SYN3: variants seen among roughly 807,000 people sequenced by gnomAD.
SYN3 encodes synapsin-3.
SYN3 carries 35 observed loss-of-function variants against 65.8 expected under a neutral mutation model. That is an observed-to-expected ratio of 0.53 (90% confidence interval 0.41 to 0.70). The LOEUF (loss-of-function observed/expected upper bound fraction) is 0.70, where lower values mean the gene tolerates loss of function less well. Among genes scored for constraint, SYN3 ranks in the 30% least tolerant of loss-of-function variants. The probability of loss-of-function intolerance (pLI) is 0.00; values close to 1 mark genes in which losing one functional copy is unlikely to be tolerated. For missense variants in SYN3, 680 were observed against 749.0 expected (o/e 0.91, Z 1.08); for synonymous variants, 270 against 292.9 (o/e 0.92, Z 0.80).
rs906934648 is a variant in SYN3, at chr22:33,006,586, T to C, written c.77A>G (p.Gln26Arg). ...NLPNGYMTDLQRPDSSTSSPA... is the reference protein window; with the variant it reads ...NLPNGYMTDLRRPDSSTSSPA... Reference sequence around the variant, plus strand: ...TGAGCTGGTGGAGCTATCTGGGCGTTGCAGGTCCGTCATATAGCCATTAGG... The same window carrying C: ...TGAGCTGGTGGAGCTATCTGGGCGTCGCAGGTCCGTCATATAGCCATTAGG... The change falls in exon 2 of 14, where the codon CAA becomes CGA. Residue 26 changes from glutamine to arginine, a missense_variant. Transcript: ENST00000358763. 6 of 1,613,814 alleles carry C rather than the reference T, an allele frequency of 3.7e-6. No individual in the cohort carries two copies. In the African/African-American group the frequency reaches 6.7e-5, roughly 18 times the overall value.
intron 3 of SYN3, among the ~76,000 whole-genome samples, chr22:32,974,148 C>T (rs1464917251): frequency 6.6e-6 from 1 of 152,182 alleles, no homozygotes; most frequent in African/African-American, 2.4e-5. Flanking sequence ...ATGTCAAGTG[C>T]TTTAATCAAT....
intron 4 of SYN3, among the ~76,000 whole-genome samples, chr22:32,871,416 T>G (rs1204590357): frequency 6.6e-6 from 1 of 152,184 alleles, no homozygotes; most frequent in Admixed American, 6.5e-5. Flanking sequence ...AAGCTCCTCA[T>G]TGTCTTTACG....
intron 6 of SYN3, among the ~76,000 whole-genome samples, chr22:32,844,124 C>T (rs180717818): frequency 1.3e-3 from 198 of 152,240 alleles, no homozygotes; most frequent in Non-Finnish European, 2.2e-3. Flanking sequence ...CATTGTTGCT[C>T]GGCCTTCTAG....
intron 12 of SYN3, among the ~76,000 whole-genome samples, chr22:32,525,497 G>C (rs185899665): frequency 8.1e-4 from 123 of 152,114 alleles, no homozygotes; most frequent in African/African-American, 2.6e-3. Context: ...CACGAGGTCG[G>C]GAGATCGAGA....
chr22:32,995,363 A>G (rs1046224538), intron 2 of SYN3, among the ~76,000 whole-genome samples: 1 of 152,222 alleles, frequency 6.6e-6, no homozygotes, highest in African/African-American at 2.4e-5. Context: ...CCAATGAACA[A>G]TACATCATTT....
chr22:32,604,801 C>T (rs570073503), intron 6 of SYN3, among the ~76,000 whole-genome samples: 1 of 151,864 alleles, frequency 6.6e-6, no homozygotes, highest in African/African-American at 2.4e-5. Context: ...GTCAGGAGAT[C>T]GAGACCATCC....
intron 6 of SYN3, among the ~76,000 whole-genome samples, chr22:32,653,177 A>C (rs2060096782): frequency 6.6e-6 from 1 of 152,066 alleles, no homozygotes. Flanking sequence ...CTTGAGGCTG[A>C]AGCACTCAGA....
chr22:32,657,413 G>A (rs977738773), intron 6 of SYN3, among the ~76,000 whole-genome samples: 3 of 150,974 alleles, frequency 2.0e-5, no homozygotes, highest in Non-Finnish European at 4.4e-5. Flanking sequence ...GTGAGCCACC[G>A]CGCCCGGCCC....
At chr22:32,772,821 G>A (rs1323652302) in intron 6 of SYN3, among the ~76,000 whole-genome samples, 2 of 40 alleles carry the variant, frequency 0.05, no homozygotes, top group Non-Finnish European at 0.077. Flanking sequence ...CCACTGAAGG[G>A]AGGATGCCCT....
intron 7 of SYN3, among the ~76,000 whole-genome samples, chr22:32,545,851 G>C: frequency 6.6e-6 from 1 of 152,180 alleles, no homozygotes; most frequent in East Asian, 1.9e-4. Context: ...GTGAGCCCGG[G>C]TATCTTATAC....
At chr22:32,674,816 T>C (rs2060417850) in intron 6 of SYN3, among the ~76,000 whole-genome samples, 1 of 151,736 alleles carries the variant, frequency 6.6e-6, no homozygotes, top group African/African-American at 2.4e-5. Flanking sequence ...TCAGCATGGG[T>C]ATCATCACTA....
chr22:32,647,436 G>A (rs916133221), intron 6 of SYN3, among the ~76,000 whole-genome samples: 12 of 151,582 alleles, frequency 7.9e-5, no homozygotes, highest in Admixed American at 6.6e-4. Context: ...TTCTAGCTTT[G>A]AGATTTTTCT....
intron 7 of SYN3, among the ~76,000 whole-genome samples, chr22:32,557,629 T>G (rs1232719720): frequency 6.6e-6 from 1 of 152,244 alleles, no homozygotes; most frequent in East Asian, 1.9e-4. Flanking sequence ...AAATAATTTA[T>G]GAGCCAACTG....
At chr22:32,772,154 T>C (rs2045786530) in intron 6 of SYN3, among the ~76,000 whole-genome samples, 1 of 152,122 alleles carries the variant, frequency 6.6e-6, no homozygotes, top group Non-Finnish European at 1.5e-5. Context: ...TCATTCTTTC[T>C]GTCCCTGAGG....
intron 2 of SYN3, among the ~76,000 whole-genome samples, chr22:32,993,624 G>A (rs755564521): frequency 4.1e-4 from 63 of 152,232 alleles, no homozygotes; most frequent in Admixed American, 7.2e-4. Context: ...GATTACAGGC[G>A]TGAGCCACCA....
intron 4 of SYN3, among the ~76,000 whole-genome samples, chr22:32,885,702 A>T (rs1300188455): frequency 6.6e-6 from 1 of 152,000 alleles, no homozygotes; most frequent in Non-Finnish European, 1.5e-5. Context: ...CTGGGACTAC[A>T]GGCGCCCACC....
chr22:32,569,565 C>CTATATA lies in SYN3; in HGVS notation c.774+27108_774+27109insTATATA, dbSNP rs1190028295. ...TCTCTCTCTCTCTCTCTCTCTCTCT[C>CTATATA]TCTCTCTATATATATATATATATAA... On this transcript the variant is annotated intron_variant, in intron 7 of 13. Coordinates refer to ENST00000358763, the MANE Select transcript of SYN3 (RefSeq NM_003490.4). Among the ~76,000 whole-genome samples, 123 of 56,332 alleles carry CTATATA rather than the reference C, an allele frequency of 2.2e-3. 1 individual carries two copies. The highest frequency in any genetic ancestry group is 0.01 in the Middle Eastern group (1 of 96). The allele number at this position is 56,332 out of a possible 152,430, so 37.0% of individuals were successfully genotyped here. A position where few individuals can be genotyped will look rare whatever the true frequency, so the allele number is the denominator to read the frequency against.
chr22:32,890,072 C>CTTTTTTTTTTTTTTTT (rs5845051), intron 4 of SYN3, among the ~76,000 whole-genome samples: 1 of 58,282 alleles, frequency 1.7e-5, no homozygotes, highest in African/African-American at 6.9e-5. Context: ...GATTTAGCTG[C>CTTTTTTTTTTTTTTTT]TTTTTTTTTT....
intron 6 of SYN3, among the ~76,000 whole-genome samples, chr22:32,793,865 T>C (rs2046372968): frequency 6.6e-6 from 1 of 152,118 alleles, no homozygotes; most frequent in African/African-American, 2.4e-5. Flanking sequence ...AAGGGCAGAG[T>C]TGAAAATCTG....
Sources: gnomAD v4.1 joint callset for allele counts (sites outside exome capture counted in the v4.1 genomes callset) on GRCh38, gnomAD v4.1.1 for gene constraint, MANE v1.5 for transcripts, NCBI Gene and HGNC (gene_info 2026-07-23, HGNC 2026-07-21) for gene names.